The following USP37 variants were observed in gnomAD, a reference collection of about 807,000 sequenced individuals.
The protein encoded by USP37 is ubiquitin specific peptidase 37.
USP37 carries 27 observed loss-of-function variants against 124.0 expected under a neutral mutation model. The observed-to-expected ratio is 0.22, with a 90% CI of 0.16 to 0.30. USP37 has a LOEUF of 0.30. USP37 is among the 10% of genes least tolerant of loss of function. The probability of loss-of-function intolerance (pLI) is 1.00; values close to 1 mark genes in which losing one functional copy is unlikely to be tolerated. For missense variants in USP37, 889 were observed against 1,140.4 expected, an observed-to-expected ratio of 0.78 and a Z score of 3.17; for synonymous variants, 365 against 388.0, an observed-to-expected ratio of 0.94 and a Z score of 0.70.
At chr2:218,566,570 G>T (rs1225198577) in intron 1 of USP37, among the ~76,000 whole-genome samples, 1 of 152,166 alleles carries the variant, frequency 6.6e-6, no homozygotes, top group African/African-American at 2.4e-5. Flanking sequence ...AGATAGAAGA[G>T]TATTGAGTTG....
At chr2:218,567,737 G>A (rs571131750) in intron 1 of USP37, among the ~76,000 whole-genome samples, 1 of 152,184 alleles carries the variant, frequency 6.6e-6, no homozygotes, top group African/African-American at 2.4e-5. Context: ...CTAGAAATGG[G>A]CGCAAGGAAA....
At chr2:218,490,297 C>T (rs1463140028) in intron 14 of USP37, among the ~76,000 whole-genome samples, 1 of 152,156 alleles carries the variant, frequency 6.6e-6, no homozygotes, top group Non-Finnish European at 1.5e-5. Flanking sequence ...GCCGAGATCG[C>T]ACTACTGCAC....
chr2:218,459,080 T>A (rs1196561945), intron 23 of USP37, among the ~76,000 whole-genome samples: 1 of 147,368 alleles, frequency 6.8e-6, no homozygotes, highest in Non-Finnish European at 1.5e-5. Flanking sequence ...GAAAAAGGGT[T>A]AAAAAAAAAA....
chr2:218,502,418 A>G (rs1689439918), intron 11 of USP37, among the ~76,000 whole-genome samples: 2 of 152,176 alleles, frequency 1.3e-5, no homozygotes, highest in Admixed American at 1.3e-4. Flanking sequence ...ATAGATTCCC[A>G]CTAAACCTGT....
chr2:218,475,058 A>G (rs1362508667), intron 19 of USP37, 173 bp from the exon 20 acceptor site: 3 of 503,782 alleles, frequency 6.0e-6, no homozygotes, highest in East Asian at 6.6e-5. Context: ...AACTTTAAAA[A>G]TAATAAATAC....
chr2:218,511,800 CT>C (rs11355129), intron 10 of USP37, among the ~76,000 whole-genome samples: 132,801 of 142,990 alleles, frequency 0.93, 61,744 homozygotes, highest in Admixed American at 0.96. Flanking sequence ...TTTTTCTTTT[CT>C]TTTTTTTTTT....
intron 14 of USP37, 114 bp from the exon 15 acceptor site, chr2:218,488,535 G>C (rs1691722009): frequency 1.6e-6 from 1 of 642,660 alleles, no homozygotes; most frequent in Non-Finnish European, 2.7e-6. Flanking sequence ...ACTATCACCA[G>C]GCATAAGAAC....
Position 218,466,000 on chromosome 2 carries a change from T to TA in USP37, c.2466+9dup. On this transcript the variant is annotated intron_variant, in intron 21 of 25. Transcript: ENST00000258399. Reference sequence around the variant, plus strand: ...AGTACAGAGAAAGTAGCAATATAAATATCTCTTACTTGCTCTTGAAGGCTC... The same window carrying TA: ...AGTACAGAGAAAGTAGCAATATAAATAATCTCTTACTTGCTCTTGAAGGCTC... The TA allele has an allele frequency of 6.2e-7, 1 of 1,601,208 alleles. No homozygotes were observed. Among genetic ancestry groups the TA allele is most frequent in the East Asian group, 2.2e-5 (1 of 44,800 alleles).
rs923796450 is a variant in USP37 at position 218,453,144 on chromosome 2, T to C, written c.*1786A>G. ...TAATTCAAAGAATGAAAACTTAGAA[T>C]AGTTTACTACATTAGAATACATCCA... is the stretch of plus-strand genomic sequence containing the variant. On this transcript the variant is annotated 3_prime_UTR_variant, in exon 26 of 26. Transcript: ENST00000258399. The C allele has an allele frequency of 1.3e-5, 2 of 152,178 alleles. No individual in the cohort carries two copies. The highest frequency in any genetic ancestry group is 3.9e-4 in the East Asian group (2 of 5,194). 9.4% of individuals were successfully genotyped at this position (152,178 alleles called of 1,614,324 possible).
chr2:218,498,086 G>A lies in USP37; in HGVS notation c.1097C>T (p.Ala366Val). Residue 366 changes from alanine to valine, a missense_variant, in exon 12 of 26, where the codon GCA becomes GTA. Physicochemically the swap from Ala to Val is moderately conservative, Grantham distance 64. Coordinates refer to ENST00000258399, the MANE Select transcript of USP37 (RefSeq NM_020935.3). ...LQSLFSLQSFANDLLKQGIPW... is the reference protein window; with the variant it reads ...LQSLFSLQSFVNDLLKQGIPW... ...GATACCTTGTTTAAGCAAGTCATTTGCAAATGACTGGAGTGAAAATAGAGA... is the reference window on the plus strand; with the variant it reads ...GATACCTTGTTTAAGCAAGTCATTTACAAATGACTGGAGTGAAAATAGAGA... 1.2e-6 allele frequency: 2 copies of A among 1,610,004 alleles called. No individual in the cohort carries two copies. The highest frequency in any genetic ancestry group is 2.2e-5 in the East Asian group (1 of 44,814).
intron 8 of USP37, among the ~76,000 whole-genome samples, chr2:218,542,520 T>C (rs1294098992): frequency 1.3e-5 from 2 of 152,178 alleles, no homozygotes; most frequent in African/African-American, 4.8e-5. Flanking sequence ...ACATGCAAGA[T>C]CTGGGAAGTG....
At position 218,553,704 on chromosome 2, in the gene USP37, A is replaced by G. The variant is rs1376798911; in HGVS notation, c.177T>C (p.Asn59=). ...TCGCTCCACTGGGTCGAAGCACCACATTTTTAATGTTATGACTTAGCTAAT... is the reference window on the plus strand; with the variant it reads ...TCGCTCCACTGGGTCGAAGCACCACGTTTTTAATGTTATGACTTAGCTAAT... ...RIFQLSHNIK[N]VVLRPSGAKQ... Residue 59 remains asparagine, a synonymous_variant, in exon 5 of 26, where the codon AAT becomes AAC. Coordinates refer to ENST00000258399, the MANE Select transcript of USP37 (RefSeq NM_020935.3). 5.0e-6 allele frequency: 8 copies of G among 1,611,278 alleles called. No homozygotes were observed. Among genetic ancestry groups the G allele is most frequent in the Non-Finnish European group, 6.8e-6 (8 of 1,178,652 alleles).
chr2:218,505,260 C>T (rs765846948), intron 11 of USP37, among the ~76,000 whole-genome samples: 9 of 152,180 alleles, frequency 5.9e-5, no homozygotes, highest in Non-Finnish European at 1.3e-4. Flanking sequence ...CTCAAGTGAT[C>T]TGCCTGCCTC....
At position 218,452,702 on chromosome 2, in the gene USP37, T is replaced by C. The variant is rs1421310351; in HGVS notation, c.*2228A>G. ...CACACATGAAAGCTATGAAAGCAAT[T>C]CAAATGAGGCTGCTTCATGAGGCAA... On this transcript the variant is annotated 3_prime_UTR_variant, in exon 26 of 26. Coordinates refer to ENST00000258399, the MANE Select transcript of USP37 (RefSeq NM_020935.3). 2 of 152,220 alleles carry C rather than the reference T, an allele frequency of 1.3e-5. No individual in the cohort carries two copies. Among genetic ancestry groups the C allele is most frequent in the Non-Finnish European group, 2.9e-5 (2 of 68,040 alleles). The allele number at this position is 152,220 out of a possible 1,614,324, so 9.4% of individuals were successfully genotyped here. A position where few individuals can be genotyped will look rare whatever the true frequency, so the allele number is the denominator to read the frequency against.
intron 11 of USP37, among the ~76,000 whole-genome samples, chr2:218,502,206 T>C (rs1300999276): frequency 6.6e-6 from 1 of 152,008 alleles, no homozygotes; most frequent in Non-Finnish European, 1.5e-5. Flanking sequence ...TTAAAACAAC[T>C]ACTTAAAATA....
chr2:218,504,070 A>T (rs1002469351), intron 11 of USP37, among the ~76,000 whole-genome samples: 3 of 152,340 alleles, frequency 2.0e-5, no homozygotes, highest in African/African-American at 7.2e-5. Flanking sequence ...AGGTCGATTC[A>T]TTAAGATTTA....
chr2:218,507,920 T>C (rs1689765156), intron 11 of USP37, among the ~76,000 whole-genome samples: 1 of 152,198 alleles, frequency 6.6e-6, no homozygotes, highest in African/African-American at 2.4e-5. Flanking sequence ...TTGCTACTTA[T>C]TATTGGATTT....
chr2:218,531,426 T>C (rs1434702702), intron 9 of USP37, among the ~76,000 whole-genome samples: 3 of 152,232 alleles, frequency 2.0e-5, no homozygotes, highest in Non-Finnish European at 2.9e-5. Context: ...GAAAAAAAGA[T>C]TGTTTTCAAA....
chr2:218,480,292 C>T (rs991264258), intron 17 of USP37, among the ~76,000 whole-genome samples: 29 of 148,008 alleles, frequency 2.0e-4, no homozygotes, highest in African/African-American at 5.9e-4. Flanking sequence ...CCCAGCTACG[C>T]GGGAGGCTGA....
Sources: allele counts gnomAD v4.1 joint callset (sites outside exome capture counted in the v4.1 genomes callset), GRCh38; gene constraint gnomAD v4.1.1; transcripts MANE v1.5; gene names NCBI Gene and HGNC (gene_info 2026-07-23, HGNC 2026-07-21).